The following CLNK variants were observed in gnomAD, a reference collection of about 807,000 sequenced individuals.
CLNK encodes cytokine-dependent hematopoietic cell linker.
Under a neutral mutation model 68.6 loss-of-function variants are expected in CLNK, and 74 were observed. That is an observed-to-expected ratio of 1.08 (90% confidence interval 0.89 to 1.31). CLNK has a LOEUF of 1.31. Ranked by LOEUF, CLNK falls within the 50% of genes most tolerant of loss-of-function variation. CLNK has a pLI of 0.00. For missense variants in CLNK, 553 were observed against 515.3 expected (o/e 1.07, Z -0.71); for synonymous variants, 198 against 172.2 (o/e 1.15, Z -1.17).
intron 18 of CLNK, among the ~76,000 whole-genome samples, chr4:10,500,662 G>A (rs78125035): frequency 0.095 from 12,794 of 134,234 alleles, 770 homozygotes; most frequent in Admixed American, 0.2. Flanking sequence ...GACAGAGTGC[G>A]TCTCTGTCTC....
intron 2 of CLNK, among the ~76,000 whole-genome samples, chr4:10,654,500 T>C (rs1024920946): frequency 6.7e-6 from 1 of 149,812 alleles, no homozygotes; most frequent in African/African-American, 2.4e-5. Context: ...CATTAGAGCA[T>C]TTACCTCAAG....
intron 16 of CLNK, among the ~76,000 whole-genome samples, chr4:10,509,257 G>T (rs13109005): frequency 0.52 from 79,637 of 151,880 alleles, 22,092 homozygotes; most frequent in Non-Finnish European, 0.62. Context: ...TTCTGATTCT[G>T]TTCACATGAT....
intron 3 of CLNK, among the ~76,000 whole-genome samples, chr4:10,588,545 G>A (rs1721068495): frequency 6.6e-6 from 1 of 152,114 alleles, no homozygotes; most frequent in Admixed American, 6.5e-5. Flanking sequence ...GCACCTGTTT[G>A]GGCACTAAGA....
At chr4:10,502,820 C>T (rs908946020) in intron 17 of CLNK, among the ~76,000 whole-genome samples, 11 of 151,860 alleles carry the variant, frequency 7.2e-5, no homozygotes, top group African/African-American at 2.4e-4. Context: ...GAAGCAAAGA[C>T]AGAAAAGGCC....
intron 5 of CLNK, among the ~76,000 whole-genome samples, chr4:10,570,728 G>A (rs1246223543): frequency 6.6e-6 from 1 of 152,152 alleles, no homozygotes; most frequent in Non-Finnish European, 1.5e-5. Flanking sequence ...CTATAGATAT[G>A]CAAGTGAAAA....
In CLNK at chr4:10,525,866, G is replaced by C. The variant is rs1447251984; in HGVS notation, c.706C>G (p.Gln236Glu). 6.3e-7 allele frequency: 1 copy of C among 1,583,350 alleles called. No homozygotes were observed. ...CTGCTAATGGCAAGTGGAATCTCTT[G>C]AGTATTTTGGTTTTCTAACAGATGA... Reference protein sequence around the residue: ...STHLLENQNTQEIPLAISSSS... With the variant: ...STHLLENQNTEEIPLAISSSS... The change falls in exon 14 of 19, where the codon CAA (glutamine) becomes GAA (glutamate). Residue 236 changes from glutamine (Q) to glutamate (E), a missense_variant. Gln to Glu is a conservative substitution (Grantham distance 29). Transcript: ENST00000226951.
chr4:10,721,996 G>A, the CLNK span, among the ~76,000 whole-genome samples: 4 of 152,248 alleles, frequency 2.6e-5, no homozygotes, highest in South Asian at 6.2e-4. Flanking sequence ...GGGAAGCATA[G>A]TGAGACCCCA....
chr4:10,588,552 A>T (rs17383137), intron 3 of CLNK, among the ~76,000 whole-genome samples: 14 of 152,010 alleles, frequency 9.2e-5, no homozygotes, highest in African/African-American at 3.1e-4. Context: ...TTTGGGCACT[A>T]AGATAGGTTC....
intron 3 of CLNK, among the ~76,000 whole-genome samples, chr4:10,596,588 A>G (rs1246454291): frequency 2.0e-5 from 3 of 152,234 alleles, no homozygotes; most frequent in African/African-American, 7.2e-5. Context: ...AGACATTTTT[A>G]GTTGATTTAT....
intron 2 of CLNK, among the ~76,000 whole-genome samples, chr4:10,626,028 GC>G (rs1301098593): frequency 2.0e-5 from 3 of 152,184 alleles, no homozygotes; most frequent in African/African-American, 7.2e-5. Context: ...AGGTGTAGAG[GC>G]TGAATCTTGG....
chr4:10,599,049 C>T (rs1369409291), intron 2 of CLNK, among the ~76,000 whole-genome samples: 1 of 152,248 alleles, frequency 6.6e-6, no homozygotes, highest in Non-Finnish European at 1.5e-5. Context: ...AGAGAATCCT[C>T]CTCGGCCTCA....
At chr4:10,651,470 T>C (rs1463211633) in intron 2 of CLNK, among the ~76,000 whole-genome samples, 4 of 152,172 alleles carry the variant, frequency 2.6e-5, no homozygotes, top group African/African-American at 9.6e-5. Context: ...ACTCCGTATG[T>C]TCTCACTCAT....
intron 2 of CLNK, among the ~76,000 whole-genome samples, chr4:10,603,368 G>T (rs1444591412): frequency 1.3e-5 from 2 of 152,094 alleles, no homozygotes; most frequent in Non-Finnish European, 2.9e-5. Flanking sequence ...TCACCTAACT[G>T]GTCATTGTTT....
intron 3 of CLNK, among the ~76,000 whole-genome samples, chr4:10,585,783 G>GA (rs1451872024): frequency 2.6e-5 from 4 of 152,156 alleles, no homozygotes; most frequent in Admixed American, 2.6e-4. Flanking sequence ...AAGATCTCTT[G>GA]AAAAAATAAT....
At chr4:10,705,037 C>CA in the CLNK span, among the ~76,000 whole-genome samples, 1 of 151,342 alleles carries the variant, frequency 6.6e-6, no homozygotes, top group East Asian at 1.9e-4. Flanking sequence ...CTTCATTAAG[C>CA]AAAAAAGGTC....
rs1459595894 is a variant in CLNK, at chr4:10,532,294, A to T, written c.603-11T>A. On this transcript the variant is annotated splice_polypyrimidine_tract_variant and intron_variant, in intron 11 of 18. Transcript: ENST00000226951. ...CTTAAGCTTATCTGACTGCAAGAAA[A>T]AGAAATACGGTGTTACATAAAACAC... 6.2e-7 allele frequency: 1 copy of T among 1,605,972 alleles called. No individual in the cohort carries two copies. The highest frequency in any genetic ancestry group is 1.7e-5 in the Admixed American group (1 of 59,820).
At chr4:10,531,676 G>T (rs1174306606) in intron 12 of CLNK, 1 of 454,136 alleles carries the variant, frequency 2.2e-6, no homozygotes, top group African/African-American at 2.0e-5. Context: ...CCTGACCTCA[G>T]GTGATCCGCC....
At chr4:10,666,646 C>T (rs1724405638) in intron 2 of CLNK, among the ~76,000 whole-genome samples, 1 of 152,232 alleles carries the variant, frequency 6.6e-6, no homozygotes, top group Admixed American at 6.5e-5. Context: ...ACCTGCCACC[C>T]AGTCCTGCTG....
At chr4:10,605,463 T>C (rs1721752000) in intron 2 of CLNK, among the ~76,000 whole-genome samples, 1 of 152,070 alleles carries the variant, frequency 6.6e-6, no homozygotes, top group Non-Finnish European at 1.5e-5. Context: ...TGTAACACAA[T>C]GGTACTTGTA....
Sources: allele counts gnomAD v4.1 joint callset (sites outside exome capture counted in the v4.1 genomes callset), GRCh38; gene constraint gnomAD v4.1.1; transcripts MANE v1.5; gene names NCBI Gene and HGNC (gene_info 2026-07-23, HGNC 2026-07-21).